The following PBX1 variants were observed in gnomAD, a reference collection of about 807,000 sequenced individuals.
PBX1 encodes PBX homeobox 1.
In PBX1, 6 loss-of-function variants were observed where a neutral mutation model predicts 53.4. The ratio of observed to expected loss-of-function variants is 0.11; its 90% CI spans 0.06 to 0.22. The LOEUF (loss-of-function observed/expected upper bound fraction) is 0.22, where lower values mean the gene tolerates loss of function less well. Ranked by LOEUF, PBX1 falls within the 10% of genes least tolerant of loss-of-function variation. The pLI, the probability that PBX1 is intolerant of heterozygous loss-of-function variation, is 1.00. For synonymous variants in PBX1, 204 were observed against 212.3 expected, an observed-to-expected ratio of 0.96 and a Z score of 0.34; for missense variants, 251 against 551.4, an observed-to-expected ratio of 0.46 and a Z score of 5.46.
At chr1:164,838,962 C>G (rs922618229) in intron 8 of PBX1, among the ~76,000 whole-genome samples, 4 of 152,202 alleles carry the variant, frequency 2.6e-5, no homozygotes, top group Non-Finnish European at 5.9e-5. Context: ...GGATAAATAT[C>G]AAAGTGCTTC....
intron 2 of PBX1, among the ~76,000 whole-genome samples, chr1:164,691,240 C>G (rs1662466510): frequency 6.6e-6 from 1 of 151,982 alleles, no homozygotes; most frequent in Admixed American, 6.6e-5. Context: ...TCTCGAACTC[C>G]CGGCCTCAAG....
At chr1:164,646,696 T>G (rs1013097763) in intron 2 of PBX1, among the ~76,000 whole-genome samples, 3 of 152,340 alleles carry the variant, frequency 2.0e-5, no homozygotes, top group African/African-American at 7.2e-5. Context: ...AGAGTTTTTT[T>G]GATAGTTATG....
chr1:164,652,462 G>C (rs542143229), intron 2 of PBX1, among the ~76,000 whole-genome samples: 29 of 152,096 alleles, frequency 1.9e-4, no homozygotes, highest in African/African-American at 7.0e-4. Context: ...GCATTTTGTT[G>C]GAGATGACCA....
At chr1:164,695,396 G>A (rs994919456) in intron 2 of PBX1, among the ~76,000 whole-genome samples, 1 of 151,976 alleles carries the variant, frequency 6.6e-6, no homozygotes. Context: ...CAAATATACT[G>A]AGTTACCTGT....
At chr1:164,570,191 C>T (rs1653746888) in intron 2 of PBX1, among the ~76,000 whole-genome samples, 1 of 152,130 alleles carries the variant, frequency 6.6e-6, no homozygotes, top group African/African-American at 2.4e-5. Flanking sequence ...TTTAGGGCAA[C>T]CTGACCTTTT....
chr1:164,630,216 G>C (rs1658322653), intron 2 of PBX1, among the ~76,000 whole-genome samples: 1 of 152,212 alleles, frequency 6.6e-6, no homozygotes, highest in Non-Finnish European at 1.5e-5. Context: ...CATGGGCATA[G>C]ACAGAAAGAT....
intron 2 of PBX1, among the ~76,000 whole-genome samples, chr1:164,858,869 C>T (rs1284443657): frequency 6.6e-6 from 1 of 152,108 alleles, no homozygotes; most frequent in Non-Finnish European, 1.5e-5. Context: ...TTCATACGTG[C>T]CGTGTACTTT....
intron 2 of PBX1, among the ~76,000 whole-genome samples, chr1:164,629,907 A>G (rs1658300402): frequency 6.6e-6 from 1 of 152,184 alleles, no homozygotes; most frequent in Non-Finnish European, 1.5e-5. Flanking sequence ...TGTATATATG[A>G]CTACATATAT....
intron 2 of PBX1, among the ~76,000 whole-genome samples, chr1:164,753,429 G>C (rs981875126): frequency 1.3e-5 from 2 of 152,048 alleles, no homozygotes; most frequent in South Asian, 2.1e-4. Flanking sequence ...TCTTTTGTTT[G>C]GGTTTTGGTA....
chr1:164,720,235 C>T (rs774285263), intron 2 of PBX1, among the ~76,000 whole-genome samples: 95 of 152,244 alleles, frequency 6.2e-4, no homozygotes, highest in Non-Finnish European at 1.1e-3. Flanking sequence ...CATTGTTCTG[C>T]ATACTTCTGT....
intron 4 of PBX1, 100 bp from the exon 5 acceptor site, chr1:164,807,442 C>T: frequency 6.9e-7 from 1 of 1,442,776 alleles, no homozygotes; most frequent in Non-Finnish European, 9.4e-7. Context: ...TCACCTTTTG[C>T]TCAAAAATTT....
In PBX1 at chr1:164,773,243, G is replaced by GCACA. The variant is rs60518864; in HGVS notation, c.266-19224_266-19221dup. Among the ~76,000 whole-genome samples the GCACA allele has an allele frequency of 1.5e-3, 220 of 147,780 alleles. 2 individuals carry two copies. Among genetic ancestry groups the GCACA allele is most frequent in the Admixed American group, 2.8e-3 (41 of 14,888 alleles). On this transcript the variant is annotated intron_variant, in intron 2 of 8. Coordinates refer to ENST00000420696, the MANE Select transcript of PBX1 (RefSeq NM_002585.4). Reference sequence around the variant, plus strand: ...CAGCTCTTGCATATAGGTAACACGCGCACACACACACACACACACACACAC... The same window carrying GCACA: ...CAGCTCTTGCATATAGGTAACACGCGCACACACACACACACACACACACACACAC...
chr1:164,846,631 C>T lies in PBX1; in HGVS notation c.1248C>T (p.Ser416=), dbSNP rs1488141897. The part of the protein sequence containing the change: ...QDATTPSSVT[S]PTEGPGSVHS... ...CTACTACCCCTTCATCAGTGACCTCCCCTACAGAAGGCCCTGGCAGTGTTC... is the reference window on the plus strand; with the variant it reads ...CTACTACCCCTTCATCAGTGACCTCTCCTACAGAAGGCCCTGGCAGTGTTC... Residue 416 remains serine (S), a synonymous_variant, in exon 9 of 9, where the codon TCC becomes TCT. Transcript: ENST00000420696. 2 of 1,614,146 alleles carry T rather than the reference C, an allele frequency of 1.2e-6. No homozygotes were observed. Among genetic ancestry groups the T allele is most frequent in the Non-Finnish European group, 1.7e-6 (2 of 1,180,000 alleles).
rs201801570 is a variant in PBX1, at chr1:164,780,606, C to G, written c.266-11888C>G. ...GAGCCATTCCTTAGGCCTCATTTCCCCAAGGGAAGGCACAGTGCTGAGATG... is the reference window on the plus strand; with the variant it reads ...GAGCCATTCCTTAGGCCTCATTTCCGCAAGGGAAGGCACAGTGCTGAGATG... On this transcript the variant is annotated intron_variant, in intron 2 of 8. Transcript: ENST00000420696. Among the ~76,000 whole-genome samples, 38 of 152,136 alleles carry G rather than the reference C, an allele frequency of 2.5e-4. No individual in the cohort carries two copies. The East Asian group carries it at 7.0e-3, about 28-fold the overall frequency.
At chr1:164,741,973 A>C (rs189173571) in intron 2 of PBX1, among the ~76,000 whole-genome samples, 2 of 152,154 alleles carry the variant, frequency 1.3e-5, no homozygotes, top group East Asian at 3.9e-4. Context: ...GAAAAATATA[A>C]ATTTATGGGC....
intron 2 of PBX1, among the ~76,000 whole-genome samples, chr1:164,790,276 G>C (rs994557746): frequency 5.9e-5 from 9 of 152,162 alleles, no homozygotes; most frequent in African/African-American, 1.7e-4. Flanking sequence ...ATTGTGCAAA[G>C]ATCAGCCAAA....
chr1:164,649,299 G>A (rs918744283), intron 2 of PBX1, among the ~76,000 whole-genome samples: 2 of 152,090 alleles, frequency 1.3e-5, no homozygotes, highest in African/African-American at 4.8e-5. Context: ...TTTTATTAAT[G>A]GATCGCTTTC....
intron 2 of PBX1, among the ~76,000 whole-genome samples, chr1:164,717,075 G>A (rs1258031861): frequency 1.3e-5 from 2 of 152,150 alleles, no homozygotes; most frequent in Non-Finnish European, 2.9e-5. Context: ...ACGCAGAATG[G>A]TCAGAAAGAG....
rs556542801 is a variant in PBX1 at position 164,860,770 on chromosome 1, A to G, written n.257+29287A>G. The stretch of plus-strand genomic sequence containing the variant: ...ACCTTTCAATGTCTTGGCTCCCCAC[A>G]TAAATTACTAGAATTCAAGGATCCG... On this transcript the variant is annotated intron_variant and non_coding_transcript_variant, in intron 2 of 2. Coordinates refer to the PBX1 transcript ENST00000558796. 5.3e-4 allele frequency among the ~76,000 whole-genome samples: 80 copies of G among 152,252 alleles called. 2 individuals are homozygous for G. The South Asian group carries it at 0.016, about 30-fold the overall frequency.
Sources: gnomAD v4.1 joint callset for allele counts (sites outside exome capture counted in the v4.1 genomes callset) on GRCh38, gnomAD v4.1.1 for gene constraint, MANE v1.5 for transcripts, NCBI Gene and HGNC (gene_info 2026-07-23, HGNC 2026-07-21) for gene names.